The following TMEM278 variants were observed in gnomAD, a reference collection of about 807,000 sequenced individuals.
TMEM278 encodes transmembrane protein 278.
At chr1:1,426,353 G>A in the TMEM278 span, 283 of 1,435,990 alleles carry the variant, frequency 2.0e-4, 2 homozygotes, top group African/African-American at 2.8e-3. Context: ...CGCGGCCGCC[G>A]TCGTCTACCT....
chr1:1,427,052 C>A, the TMEM278 span, among the ~76,000 whole-genome samples: 1 of 143,290 alleles, frequency 7.0e-6, no homozygotes, highest in African/African-American at 2.6e-5. Flanking sequence ...TTCGCCCAGG[C>A]CCTAATCCTT....
At chr1:1,428,280 C>T in the TMEM278 span, among the ~76,000 whole-genome samples, 3 of 152,000 alleles carry the variant, frequency 2.0e-5, no homozygotes, top group South Asian at 6.2e-4. Context: ...CCGCGCCTGC[C>T]CAGGTCCCGG....
the TMEM278 span, among the ~76,000 whole-genome samples, chr1:1,428,311 G>A: frequency 6.6e-6 from 1 of 151,826 alleles, no homozygotes; most frequent in African/African-American, 2.4e-5. Context: ...CCAGGGCTCT[G>A]GGGCTCCCAG....
the TMEM278 span, among the ~76,000 whole-genome samples, chr1:1,426,878 G>A: frequency 1.3e-5 from 2 of 151,950 alleles, no homozygotes; most frequent in Non-Finnish European, 2.9e-5. Context: ...GGGCGCAGGA[G>A]GGCAGAAGCG....
the TMEM278 span, chr1:1,427,891 G>A: frequency 9.0e-7 from 1 of 1,113,780 alleles, no homozygotes; most frequent in South Asian, 2.2e-5. Flanking sequence ...GCCCCTTCCT[G>A]GCTGGGCGCG....
the TMEM278 span, among the ~76,000 whole-genome samples, chr1:1,429,423 C>G: frequency 2.2e-3 from 338 of 150,656 alleles, 2 homozygotes; most frequent in Non-Finnish European, 3.6e-3. Context: ...TTTTTATGGT[C>G]TCTTGATACA....
the TMEM278 span, chr1:1,427,700 G>A: frequency 3.0e-6 from 4 of 1,323,524 alleles, no homozygotes; most frequent in South Asian, 1.9e-5. Context: ...GCCTCCGCCC[G>A]CTGCTGCCTC....
At chr1:1,429,045 T>G in the TMEM278 span, among the ~76,000 whole-genome samples, 2 of 150,344 alleles carry the variant, frequency 1.3e-5, no homozygotes, top group African/African-American at 2.5e-5. Flanking sequence ...GGTGGGCACC[T>G]ATAACCTCAG....
the TMEM278 span, chr1:1,426,158 G>A: frequency 4.2e-6 from 6 of 1,414,422 alleles, no homozygotes; most frequent in South Asian, 1.6e-5. Context: ...GACGGAGGAG[G>A]AGGAGGGGGG....
chr1:1,428,440 C>T, the TMEM278 span, among the ~76,000 whole-genome samples: 4 of 152,078 alleles, frequency 2.6e-5, no homozygotes, highest in Non-Finnish European at 5.9e-5. Context: ...CGGCTCTCTC[C>T]GGGAGACACT....
chr1:1,427,176 C>A, the TMEM278 span, among the ~76,000 whole-genome samples: 1 of 148,914 alleles, frequency 6.7e-6, no homozygotes, highest in East Asian at 2.0e-4. Flanking sequence ...CCGCCCTGCA[C>A]CCCTCCGTCT....
chr1:1,427,960 A>G, the TMEM278 span, among the ~76,000 whole-genome samples: 15 of 122,362 alleles, frequency 1.2e-4, no homozygotes, highest in African/African-American at 4.6e-4. Context: ...CCCGCCACGG[A>G]GGGCAGGGGA....
At chr1:1,429,792 C>G in the TMEM278 span, among the ~76,000 whole-genome samples, 96 of 152,204 alleles carry the variant, frequency 6.3e-4, no homozygotes, top group African/African-American at 9.4e-4. Flanking sequence ...CTCTCTGTCC[C>G]TGTGTGTGTC....
chr1:1,428,959 C>T, the TMEM278 span, among the ~76,000 whole-genome samples: 1 of 144,550 alleles, frequency 6.9e-6, no homozygotes, highest in African/African-American at 2.6e-5. Context: ...AAGATCACGC[C>T]ACTGCACTCT....
the TMEM278 span, among the ~76,000 whole-genome samples, chr1:1,430,178 A>C: frequency 6.6e-6 from 1 of 152,190 alleles, no homozygotes; most frequent in African/African-American, 2.4e-5. Context: ...TTGCTGTTTA[A>C]TTTTGGGGGA....
chr1:1,425,936 G>A, the TMEM278 span, among the ~76,000 whole-genome samples: 14,640 of 152,134 alleles, frequency 0.096, 986 homozygotes, highest in African/African-American at 0.19. Context: ...CTGGCAGAGG[G>A]GAAACTGAGG....
the TMEM278 span, among the ~76,000 whole-genome samples, chr1:1,426,694 TGTC>T: frequency 6.6e-6 from 1 of 151,846 alleles, no homozygotes; most frequent in Non-Finnish European, 1.5e-5. Flanking sequence ...AAGATGAAAA[TGTC>T]GTTGAAGTTT....
chr1:1,426,698 G>A, the TMEM278 span, among the ~76,000 whole-genome samples: 1 of 152,046 alleles, frequency 6.6e-6, no homozygotes. Flanking sequence ...TGAAAATGTC[G>A]TTGAAGTTTC....
chr1:1,428,034 G>C, the TMEM278 span, among the ~76,000 whole-genome samples: 1 of 12,962 alleles, frequency 7.7e-5, no homozygotes, highest in Non-Finnish European at 1.6e-4. Flanking sequence ...GAGGGGAGGG[G>C]AGGGGAAGAG....
Sources: gnomAD v4.1 joint callset for allele counts (sites outside exome capture counted in the v4.1 genomes callset) on GRCh38, gnomAD v4.1.1 for gene constraint, MANE v1.5 for transcripts, NCBI Gene and HGNC (gene_info 2026-07-23, HGNC 2026-07-21) for gene names.